DPRX: variants seen among roughly 807,000 people sequenced by gnomAD.
DPRX encodes the protein divergent paired-related homeobox.
A neutral mutation model predicts 8.4 loss-of-function variants in DPRX; 11 were observed. The ratio of observed to expected loss-of-function variants is 1.31; its 90% CI spans 0.82 to 2.17. The LOEUF is 2.17. Among genes scored for constraint, DPRX ranks in the 30% most tolerant of loss-of-function variants. The pLI is 0.00. For missense variants in DPRX, 211 were observed against 236.7 expected, an observed-to-expected ratio of 0.89 and a Z score of 0.71; for synonymous variants, 72 against 87.0, an observed-to-expected ratio of 0.83 and a Z score of 0.96.
chr19:53,609,348 A>T, the DPRX span, among the ~76,000 whole-genome samples: 2 of 151,168 alleles, frequency 1.3e-5, no homozygotes, highest in Non-Finnish European at 3.0e-5. Context: ...GGCGCCTATA[A>T]TCGGAGCTAC....
At chr19:53,612,742 T>C in the DPRX span, among the ~76,000 whole-genome samples, 7 of 151,906 alleles carry the variant, frequency 4.6e-5, no homozygotes, top group Admixed American at 1.3e-4. Context: ...CCCCTCTCTA[T>C]GTTAAAGAAT....
the DPRX span, among the ~76,000 whole-genome samples, chr19:53,611,644 G>A: frequency 2.0e-5 from 3 of 152,298 alleles, no homozygotes; most frequent in Admixed American, 2.0e-4. Flanking sequence ...GCTTAAGGAG[G>A]AGAAGAATAA....
chr19:53,603,269 A>G, the DPRX span: 1 of 450,502 alleles, frequency 2.2e-6, no homozygotes, highest in African/African-American at 2.0e-5. Context: ...CCTCTCAACT[A>G]CCAAAGCCCC....
exon 3 of DPRX, chr19:53,636,908 A>G: frequency 6.2e-7 from 1 of 1,613,698 alleles, no homozygotes. Flanking sequence ...CCTCTACCCC[A>G]TTTTGGAATC....
the DPRX span, among the ~76,000 whole-genome samples, chr19:53,623,031 C>G: frequency 1.3e-5 from 2 of 152,058 alleles, no homozygotes; most frequent in African/African-American, 4.8e-5. Flanking sequence ...CTGGGCCAAG[C>G]CCGGTGGCTC....
upstream of DPRX, among the ~76,000 whole-genome samples, chr19:53,631,849 G>A (rs2091093938): frequency 6.6e-6 from 1 of 152,122 alleles, no homozygotes; most frequent in Admixed American, 6.6e-5. Context: ...ACTCCCAGGA[G>A]TGTTAGTGGG....
At chr19:53,611,266 A>AT in the DPRX span, among the ~76,000 whole-genome samples, 186 of 151,210 alleles carry the variant, frequency 1.2e-3, no homozygotes, top group African/African-American at 4.3e-3. Context: ...TCTCATGATA[A>AT]TTTTTTTAAA....
exon 2 of DPRX, chr19:53,634,664 C>A: frequency 2.5e-6 from 4 of 1,613,870 alleles, no homozygotes. Context: ...CGAAAATAGA[C>A]ATACACCCAA....
chr19:53,607,356 G>A, the DPRX span, among the ~76,000 whole-genome samples: 1 of 152,118 alleles, frequency 6.6e-6, no homozygotes, highest in African/African-American at 2.4e-5. Context: ...CCCAGAGGTT[G>A]AGACCAGCCT....
chr19:53,617,309 A>G, the DPRX span: 2 of 646,550 alleles, frequency 3.1e-6, no homozygotes, highest in East Asian at 2.8e-5. Context: ...CTGTAATCCC[A>G]GCACTTTGGG....
chr19:53,601,792 T>C, the DPRX span, among the ~76,000 whole-genome samples: 2 of 152,044 alleles, frequency 1.3e-5, no homozygotes, highest in African/African-American at 4.8e-5. Context: ...CAATGCCTGT[T>C]CTGAGTAGGT....
At chr19:53,612,638 C>T in the DPRX span, among the ~76,000 whole-genome samples, 3 of 151,332 alleles carry the variant, frequency 2.0e-5, no homozygotes, top group African/African-American at 4.9e-5. Context: ...ACCCGGGAGG[C>T]GGAGGTTGCA....
the DPRX span, among the ~76,000 whole-genome samples, chr19:53,626,373 C>T: frequency 1.3e-5 from 2 of 152,142 alleles, no homozygotes; most frequent in Non-Finnish European, 2.9e-5. Flanking sequence ...GCCACCACGC[C>T]CCACCGTGAG....
chr19:53,627,254 T>C (rs1165009243), upstream of DPRX, among the ~76,000 whole-genome samples: 3 of 152,028 alleles, frequency 2.0e-5, no homozygotes, highest in Non-Finnish European at 4.4e-5. Flanking sequence ...TTGTAAACTT[T>C]GTTCATTCAA....
the DPRX span, among the ~76,000 whole-genome samples, chr19:53,624,432 T>C: frequency 6.6e-6 from 1 of 151,236 alleles, no homozygotes; most frequent in African/African-American, 2.4e-5. Context: ...AGACAGAGTC[T>C]CACTCTGTCG....
chr19:53,601,118 G>A, the DPRX span: 1 of 380,656 alleles, frequency 2.6e-6, no homozygotes, highest in Non-Finnish European at 5.3e-6. Flanking sequence ...CTGGTCTCAA[G>A]CGATGCTCCT....
At chr19:53,624,329 T>C in the DPRX span, among the ~76,000 whole-genome samples, 14 of 94,760 alleles carry the variant, frequency 1.5e-4, no homozygotes, top group Middle Eastern at 5.0e-3. Flanking sequence ...CCTCAGGTGA[T>C]CTGCCCTCCC....
At chr19:53,613,575 G>A in the DPRX span, among the ~76,000 whole-genome samples, 1 of 150,580 alleles carries the variant, frequency 6.6e-6, no homozygotes, top group African/African-American at 2.4e-5. Context: ...GGCCAGGCCA[G>A]TCTCAAACTC....
chr19:53,622,240 G>A, the DPRX span, among the ~76,000 whole-genome samples: 2 of 152,172 alleles, frequency 1.3e-5, no homozygotes, highest in Non-Finnish European at 2.9e-5. Flanking sequence ...CTTTCAGCAG[G>A]ACATACTTGT....
Sources: allele counts gnomAD v4.1 joint callset (sites outside exome capture counted in the v4.1 genomes callset), GRCh38; gene constraint gnomAD v4.1.1; transcripts MANE v1.5; gene names NCBI Gene and HGNC (gene_info 2026-07-23, HGNC 2026-07-21).